Variants in CWF19L2 observed in about 807,000 individuals in gnomAD.
The protein encoded by CWF19L2 is CWF19-like protein 2.
A neutral mutation model predicts 111.7 loss-of-function variants in CWF19L2; 98 were observed. That is an observed-to-expected ratio of 0.88 (90% CI 0.75 to 1.04). CWF19L2 has a LOEUF of 1.04. Among genes scored for constraint, CWF19L2 ranks in the 50% least tolerant of loss-of-function variants. The pLI is 0.00. For synonymous variants in CWF19L2, 351 were observed against 342.9 expected (o/e 1.02, Z -0.26); for missense variants, 1,101 against 1,051.4 (o/e 1.05, Z -0.65).
At chr11:107,335,423 G>GA (rs143234055) in intron 15 of CWF19L2, among the ~76,000 whole-genome samples, 2,349 of 151,772 alleles carry the variant, frequency 0.015, 55 homozygotes, top group African/African-American at 0.054. Flanking sequence ...AAAAATACAG[G>GA]AAAAAAAATG....
intron 14 of CWF19L2, among the ~76,000 whole-genome samples, chr11:107,338,614 A>G (rs934454223): frequency 1.3e-5 from 2 of 151,886 alleles, no homozygotes; most frequent in African/African-American, 4.8e-5. Context: ...CCCCACCACC[A>G]TGTGTCCAGG....
intron 12 of CWF19L2, among the ~76,000 whole-genome samples, chr11:107,385,469 T>C (rs1860751237): frequency 6.6e-6 from 1 of 152,188 alleles, no homozygotes; most frequent in Non-Finnish European, 1.5e-5. Context: ...TTCAATAATT[T>C]ATCTAAACGT....
rs145828149 is a variant in CWF19L2 at position 107,402,873 on chromosome 11, GTATATATATATATA to G, written c.1618-9992_1618-9979del. 5.7e-4 allele frequency among the ~76,000 whole-genome samples: 54 copies of G among 94,300 alleles called. 1 individual carries two copies. The highest frequency in any genetic ancestry group is 1.5e-3 in the Admixed American group (13 of 8,500). 61.9% of individuals were successfully genotyped at this position (94,300 alleles called of 152,430 possible). On this transcript the variant is annotated intron_variant, in intron 10 of 17. Transcript: ENST00000282251. ...CGAGTGGATAAACAAACTGTGGTGT[GTATATATATATATA>G]TATATATATATATATAATGGAATAC... is the stretch of plus-strand genomic sequence containing the variant.
intron 11 of CWF19L2, among the ~76,000 whole-genome samples, chr11:107,391,538 A>G (rs554150065): frequency 6.6e-6 from 1 of 152,326 alleles, no homozygotes; most frequent in African/African-American, 2.4e-5. Context: ...TGTTCTGTAA[A>G]CAGCTTTATC....
At chr11:107,328,354 T>A (rs968866095) in intron 17 of CWF19L2, among the ~76,000 whole-genome samples, 3 of 152,158 alleles carry the variant, frequency 2.0e-5, no homozygotes, top group African/African-American at 7.2e-5. Context: ...AAAGTTTACC[T>A]AAAATTGTCT....
chr11:107,428,575 C>T (rs1190140677), intron 8 of CWF19L2, among the ~76,000 whole-genome samples: 2 of 140,100 alleles, frequency 1.4e-5, no homozygotes, highest in Non-Finnish European at 1.6e-5. Flanking sequence ...ATATTTTGAA[C>T]AAATATAGCT....
intron 10 of CWF19L2, among the ~76,000 whole-genome samples, chr11:107,405,533 C>A (rs1409100742): frequency 1.3e-5 from 2 of 150,426 alleles, no homozygotes; most frequent in Non-Finnish European, 3.0e-5. Context: ...TGCTTGACTT[C>A]CATTTCAGGC....
At chr11:107,337,367 TTGTGTGTGTGTG>T (rs5794537) in intron 14 of CWF19L2, among the ~76,000 whole-genome samples, 5,376 of 148,142 alleles carry the variant, frequency 0.036, 113 homozygotes, top group African/African-American at 0.049. Context: ...GGTGTGTGTT[TTGTGTGTGTGTG>T]TGTGTGTGTG....
chr11:107,392,824 G>C lies in CWF19L2; in HGVS notation c.1689C>G (p.Pro563=), dbSNP rs373052772. The C allele has an allele frequency of 3.1e-5, 50 of 1,595,358 alleles. 1 individual carries two copies. The South Asian group carries it at 4.4e-4, about 14-fold the overall frequency. ...QSGRVWPVNT[P]GKSLESQGGR... ...CTCCTTGTGATTCCAGAGATTTTCCGGGTGTGTTCACAGGCCATACTCTTC... is the reference window on the plus strand; with the variant it reads ...CTCCTTGTGATTCCAGAGATTTTCCCGGTGTGTTCACAGGCCATACTCTTC... The change falls in exon 11 of 18, where the codon CCC becomes CCG. Residue 563 remains proline, a synonymous_variant. Transcript: ENST00000282251.
rs1013912557 is a variant in CWF19L2 at position 107,372,840 on chromosome 11, G to C, written c.1872+17234C>G. Among the ~76,000 whole-genome samples the C allele has an allele frequency of 3.1e-5, 4 of 130,666 alleles. 2 individuals carry two copies. The highest frequency in any genetic ancestry group is 6.4e-5 in the African/African-American group (2 of 31,216). The allele number at this position is 130,666 out of a possible 152,430, so 85.7% of individuals were successfully genotyped here. On this transcript the variant is annotated intron_variant, in intron 12 of 17. Coordinates refer to ENST00000282251, the MANE Select transcript of CWF19L2 (RefSeq NM_152434.3). Reference sequence around the variant, plus strand: ...GAGCGACGCAGAAGACGGGTGATTTGTGCATTTCCATCTGAGGTACCGGGT... The same window carrying C: ...GAGCGACGCAGAAGACGGGTGATTTCTGCATTTCCATCTGAGGTACCGGGT...
At chr11:107,402,379 CA>C (rs1861013129) in intron 10 of CWF19L2, among the ~76,000 whole-genome samples, 2 of 146,442 alleles carry the variant, frequency 1.4e-5, no homozygotes, top group South Asian at 4.3e-4. Context: ...TCAAACAAAT[CA>C]GTAAGAAAAA....
chr11:107,454,481 T>C lies in CWF19L2; in HGVS notation c.308A>G (p.Glu103Gly). ...GCTATCAGATGACTCATTGTTTTTT[T>C]CATATTTCTGTTTCTTGCTCTTTTT... ...KKKKSKKQKY[E>G]KNNESSDSSS... The change falls in exon 3 of 18, where the codon GAA becomes GGA. Residue 103 changes from glutamate to glycine, a missense_variant. Coordinates refer to ENST00000282251, the MANE Select transcript of CWF19L2 (RefSeq NM_152434.3). The C allele has an allele frequency of 1.4e-6, 2 of 1,462,486 alleles. No homozygotes were observed. Among genetic ancestry groups the C allele is most frequent in the Non-Finnish European group, 1.8e-6 (2 of 1,111,954 alleles). 90.6% of individuals were successfully genotyped at this position (1,462,486 alleles called of 1,614,324 possible).
At chr11:107,394,460 T>C (rs1373574436) in intron 10 of CWF19L2, among the ~76,000 whole-genome samples, 1 of 152,194 alleles carries the variant, frequency 6.6e-6, no homozygotes, top group Non-Finnish European at 1.5e-5. Context: ...TATTAAATTG[T>C]CATCTTCCCT....
chr11:107,353,531 C>T lies in CWF19L2; in HGVS notation c.2078G>A (p.Gly693Asp), dbSNP rs1860187785. ...ATAATAAATACTTCTTACCTTAACA[C>T]CTATTGCAACAATAAGATGCTTGGG... ...QFPKHLIVAIGVKVYLCLPNV... is the reference protein window; with the variant it reads ...QFPKHLIVAIDVKVYLCLPNV... Residue 693 changes from glycine (G) to aspartate (D), a missense_variant, in exon 13 of 18, where the codon GGT becomes GAT. By Grantham distance (94) the Gly-to-Asp change is moderately conservative. Coordinates refer to ENST00000282251, the MANE Select transcript of CWF19L2 (RefSeq NM_152434.3). 1.9e-6 allele frequency: 3 copies of T among 1,612,090 alleles called. No individual in the cohort carries two copies. The highest frequency in any genetic ancestry group is 3.3e-5 in the Admixed American group (2 of 59,958).
intron 8 of CWF19L2, among the ~76,000 whole-genome samples, chr11:107,426,403 C>A (rs1861377228): frequency 6.6e-6 from 1 of 151,834 alleles, no homozygotes; most frequent in African/African-American, 2.4e-5. Context: ...TTGGTTAATA[C>A]TGCAAAATAT....
Position 107,439,162 on chromosome 11 carries a change from A to G in CWF19L2, c.592T>C (p.Leu198=), listed in dbSNP as rs1861585970. The stretch of plus-strand genomic sequence containing the variant: ...CCACCATCCTTCCAGTACGGATTCA[A>G]TTCTCTTTCCATCAGTTTGGACTAG... The part of the protein sequence containing the change: ...LEQSKLMERE[L]NPYWKDGGTG... Residue 198 remains leucine, a synonymous_variant, in exon 6 of 18, where the codon TTG becomes CTG. Coordinates refer to ENST00000282251, the MANE Select transcript of CWF19L2 (RefSeq NM_152434.3). 1 of 1,608,922 alleles carries G rather than the reference A, an allele frequency of 6.2e-7. No individual in the cohort carries two copies. Among genetic ancestry groups the G allele is most frequent in the Non-Finnish European group, 8.5e-7 (1 of 1,176,700 alleles).
At chr11:107,442,373 T>A (rs1861630259) in intron 4 of CWF19L2, among the ~76,000 whole-genome samples, 1 of 152,160 alleles carries the variant, frequency 6.6e-6, no homozygotes, top group Admixed American at 6.5e-5. Context: ...CAAAAGTTGA[T>A]ACTTTTTTCT....
chr11:107,410,469 C>T (rs1360416074), intron 10 of CWF19L2, among the ~76,000 whole-genome samples: 1 of 152,110 alleles, frequency 6.6e-6, no homozygotes, highest in Non-Finnish European at 1.5e-5. Flanking sequence ...TGAAAATATG[C>T]CTTTCTGGTC....
rs199682425 is a variant in CWF19L2 at position 107,368,116 on chromosome 11, AC to A, written c.1873-14381del. On this transcript the variant is annotated intron_variant, in intron 12 of 17. Transcript: ENST00000282251. Reference sequence around the variant, plus strand: ...AGAGATCCGGGCAGAATAAATTGAGACCCCCCCCCACACAAAAATACAAAAG... The same window carrying A: ...AGAGATCCGGGCAGAATAAATTGAGACCCCCCCCACACAAAAATACAAAAG... Among the ~76,000 whole-genome samples the A allele has an allele frequency of 3.2e-3, 152 of 48,010 alleles. 26 individuals carry two copies. Among genetic ancestry groups the A allele is most frequent in the Non-Finnish European group, 5.2e-3 (134 of 25,546 alleles). The allele number at this position is 48,010 out of a possible 152,430, so 31.5% of individuals were successfully genotyped here.
Sources: allele counts gnomAD v4.1 joint callset (sites outside exome capture counted in the v4.1 genomes callset), GRCh38; gene constraint gnomAD v4.1.1; transcripts MANE v1.5; gene names NCBI Gene and HGNC (gene_info 2026-07-23, HGNC 2026-07-21).